The following LGMN variants were observed in gnomAD, a reference collection of about 807,000 sequenced individuals.
The protein encoded by LGMN is asparaginyl endopeptidase.
LGMN carries 36 observed loss-of-function variants against 56.8 expected under a neutral mutation model. The ratio of observed to expected loss-of-function variants is 0.63; its 90% CI spans 0.49 to 0.84. The LOEUF (loss-of-function observed/expected upper bound fraction) is 0.84, where lower values mean the gene tolerates loss of function less well. Among genes scored for constraint, LGMN ranks in the 40% least tolerant of loss-of-function variants. The pLI, the probability that LGMN is intolerant of heterozygous loss-of-function variation, is 0.00. For missense variants in LGMN, 446 were observed against 556.1 expected (o/e 0.80, Z 1.99); for synonymous variants, 199 against 210.1 (o/e 0.95, Z 0.46).
At chr14:92,726,781 C>A (rs937962795) in intron 2 of LGMN, among the ~76,000 whole-genome samples, 1 of 152,146 alleles carries the variant, frequency 6.6e-6, no homozygotes, top group Admixed American at 6.6e-5. Context: ...TTCCTTTCCA[C>A]CAGGGCCCTG....
intron 1 of LGMN, among the ~76,000 whole-genome samples, chr14:92,738,132 C>T (rs1232709551): frequency 1.3e-5 from 2 of 152,206 alleles, no homozygotes; most frequent in East Asian, 1.9e-4. Flanking sequence ...GAACGGACAC[C>T]ACCTACTTAT....
intron 1 of LGMN, among the ~76,000 whole-genome samples, chr14:92,733,148 CAAAA>C (rs11343138): frequency 3.9e-5 from 4 of 103,618 alleles, no homozygotes; most frequent in Admixed American, 9.6e-5. Context: ...ACTCTGTCTC[CAAAA>C]AAAAAAAAAA....
intron 1 of LGMN, among the ~76,000 whole-genome samples, chr14:92,740,605 C>G (rs1281615236): frequency 6.6e-6 from 1 of 152,180 alleles, no homozygotes; most frequent in African/African-American, 2.4e-5. Flanking sequence ...CACCCTGCAC[C>G]CCAGGGCCCG....
intron 2 of LGMN, among the ~76,000 whole-genome samples, chr14:92,727,642 T>C (rs1410451860): frequency 6.6e-6 from 1 of 152,032 alleles, no homozygotes; most frequent in Non-Finnish European, 1.5e-5. Context: ...CGGAAAGAGC[T>C]TCTGTGGAAA....
In LGMN at chr14:92,717,411, T is replaced by C; in HGVS notation, c.287A>G (p.Tyr96Cys). 1 of 1,613,242 alleles carries C rather than the reference T, an allele frequency of 6.2e-7. No homozygotes were observed. Among genetic ancestry groups the C allele is most frequent in the Non-Finnish European group, 8.5e-7 (1 of 1,179,268 alleles). ...VINRPNGTDV[Y>C]QGVPKDYTGE... Reference sequence around the variant, plus strand: ...AGTGTAGTCCTTCGGGACTCCCTGATAGACATCTGTGCCATTGGGCCTGTT... The same window carrying C: ...AGTGTAGTCCTTCGGGACTCCCTGACAGACATCTGTGCCATTGGGCCTGTT... Residue 96 changes from tyrosine (Y) to cysteine (C), a missense_variant, in exon 4 of 14, where the codon TAT (tyrosine) becomes TGT (cysteine). Coordinates refer to ENST00000334869, the MANE Select transcript of LGMN (RefSeq NM_005606.7).
At chr14:92,713,991 C>A (rs554789027) in intron 6 of LGMN, 106 bp from the exon 7 acceptor site, 4 of 850,024 alleles carry the variant, frequency 4.7e-6, no homozygotes, top group Admixed American at 3.6e-5. Flanking sequence ...TTCTACCAAT[C>A]CCTAGAAGTA....
intron 2 of LGMN, among the ~76,000 whole-genome samples, chr14:92,729,846 A>T (rs1287061979): frequency 6.6e-6 from 1 of 152,142 alleles, no homozygotes; most frequent in Non-Finnish European, 1.5e-5. Context: ...AATCGGCACA[A>T]ATCTCACCTC....
intron 11 of LGMN, among the ~76,000 whole-genome samples, chr14:92,708,444 A>C (rs1476160025): frequency 1.3e-5 from 2 of 152,142 alleles, no homozygotes; most frequent in Non-Finnish European, 2.9e-5. Context: ...CAAAAAAATT[A>C]ATAAATAAAG....
rs1464165659 is a variant in LGMN at position 92,719,348 on chromosome 14, CCACCACCAA to C, written c.139-513_139-505del. On this transcript the variant is annotated intron_variant, in intron 2 of 13. Transcript: ENST00000334869. ...GCCACCGCCACCGCCATCACCGCCA[CCACCACCAA>C]CACCACCACCACCACCAACACCGCC... is the stretch of plus-strand genomic sequence containing the variant. Among the ~76,000 whole-genome samples, 104 of 143,538 alleles carry C rather than the reference CCACCACCAA, an allele frequency of 7.2e-4. 1 individual carries two copies. Among genetic ancestry groups the C allele is most frequent in the Non-Finnish European group, 1.3e-3 (83 of 65,596 alleles). The allele number at this position is 143,538 out of a possible 152,430, so 94.2% of individuals were successfully genotyped here.
intron 1 of LGMN, chr14:92,742,929 G>A (rs1891627100): frequency 6.6e-6 from 1 of 152,046 alleles, no homozygotes; most frequent in Non-Finnish European, 1.5e-5. Context: ...AGCTACTCAA[G>A]GGGCTGAGCG....
chr14:92,724,826 G>A (rs905870971), intron 2 of LGMN, among the ~76,000 whole-genome samples: 3 of 152,128 alleles, frequency 2.0e-5, no homozygotes, highest in African/African-American at 4.8e-5. Context: ...AAGACAAGTC[G>A]AACAAGGTCT....
At chr14:92,734,385 G>A (rs990144086) in intron 1 of LGMN, among the ~76,000 whole-genome samples, 2 of 152,092 alleles carry the variant, frequency 1.3e-5, no homozygotes, top group African/African-American at 4.8e-5. Context: ...TTAGGAAAGC[G>A]GAGGCGGATG....
chr14:92,712,726 G>A (rs765416644), intron 8 of LGMN, 79 bp downstream of exon 8: 2 of 1,365,254 alleles, frequency 1.5e-6, no homozygotes, highest in Non-Finnish European at 2.1e-6. Context: ...TGCTTACGGA[G>A]AATGCTCAGT....
At chr14:92,712,686 T>C (rs1889842807) in intron 8 of LGMN, 119 bp downstream of exon 8, 1 of 880,698 alleles carries the variant, frequency 1.1e-6, no homozygotes, top group African/African-American at 1.7e-5. Flanking sequence ...TCTCCCCACT[T>C]CTATGGCCCA....
Position 92,710,369 on chromosome 14 carries a change from G to A in LGMN, c.820-497C>T, listed in dbSNP as rs549381832. 9.8e-5 allele frequency among the ~76,000 whole-genome samples: 15 copies of A among 152,362 alleles called. No individual in the cohort carries two copies. The South Asian group carries it at 2.3e-3, about 23-fold the overall frequency. The stretch of plus-strand genomic sequence containing the variant: ...CTGCAAGTCCCTAAGGACCAGTAGT[G>A]GGAAGGTACAAAGCATCTGCCCAGG... On this transcript the variant is annotated intron_variant, in intron 10 of 13. Transcript: ENST00000334869.
At chr14:92,713,251 T>C (rs1038095824) in intron 7 of LGMN, among the ~76,000 whole-genome samples, 1 of 152,066 alleles carries the variant, frequency 6.6e-6, no homozygotes, top group Admixed American at 6.6e-5. Context: ...TTTGTTTTTT[T>C]GTTTTTTTAG....
At chr14:92,719,230 GCCA>G (rs1372121081) in intron 2 of LGMN, among the ~76,000 whole-genome samples, 20 of 22,896 alleles carry the variant, frequency 8.7e-4, no homozygotes, top group South Asian at 2.6e-3. Flanking sequence ...CACCACCACC[GCCA>G]CCGCCACCAC....
At position 92,703,994 on chromosome 14, in the gene LGMN, C is replaced by G; in HGVS notation, c.*325G>C. On this transcript the variant is annotated 3_prime_UTR_variant, in exon 14 of 14. Coordinates refer to ENST00000334869, the MANE Select transcript of LGMN (RefSeq NM_005606.7). ...CTTCAAATTCTCAGAATAAAGACTC[C>G]TTTTGAGAGGGGCTACAGAAGCCCC... is the stretch of plus-strand genomic sequence containing the variant. 1 of 639,472 alleles carries G rather than the reference C, an allele frequency of 1.6e-6. No individual in the cohort carries two copies. Among genetic ancestry groups the G allele is most frequent in the South Asian group, 1.8e-5 (1 of 56,696 alleles). 39.6% of individuals were successfully genotyped at this position (639,472 alleles called of 1,614,324 possible).
At chr14:92,732,360 T>C in intron 2 of LGMN, 1 of 331,506 alleles carries the variant, frequency 3.0e-6, no homozygotes, top group Non-Finnish European at 5.6e-6. Context: ...TCCCCAACTA[T>C]CAACAGTGCC....
Sources: allele counts gnomAD v4.1 joint callset (sites outside exome capture counted in the v4.1 genomes callset), GRCh38; gene constraint gnomAD v4.1.1; transcripts MANE v1.5; gene names NCBI Gene and HGNC (gene_info 2026-07-23, HGNC 2026-07-21).